Variants in MYH13 observed in about 807,000 individuals in gnomAD.
The protein encoded by MYH13 is myosin-13.
MYH13 carries 177 observed loss-of-function variants against 232.1 expected under a neutral mutation model. The ratio of observed to expected loss-of-function variants is 0.76; its 90% CI spans 0.67 to 0.86. The LOEUF (loss-of-function observed/expected upper bound fraction) is 0.86, where lower values mean the gene tolerates loss of function less well. MYH13 is among the 40% of genes least tolerant of loss of function. The probability of loss-of-function intolerance (pLI) is 0.00; values close to 1 mark genes in which losing one functional copy is unlikely to be tolerated. For synonymous variants in MYH13, 884 were observed against 923.5 expected (o/e 0.96, Z 0.78); for missense variants, 2,246 against 2,405.9 (o/e 0.93, Z 1.39).
chr17:10,315,451 C>T (rs1906668369), intron 29 of MYH13, among the ~76,000 whole-genome samples: 1 of 152,150 alleles, frequency 6.6e-6, no homozygotes. Flanking sequence ...GCCAGTACAC[C>T]CAGCTAATTT....
chr17:10,301,558 C>A lies in MYH13; in HGVS notation c.5802+11G>T. Reference sequence around the variant, plus strand: ...TTAGCTGGCCCCTATATCTCAGGTACCTGCTCTTACCTGGCTGCCCACGTC... The same window carrying A: ...TTAGCTGGCCCCTATATCTCAGGTAACTGCTCTTACCTGGCTGCCCACGTC... On this transcript the variant is annotated intron_variant, in intron 40 of 40. Coordinates refer to ENST00000252172, the MANE Select transcript of MYH13 (RefSeq NM_003802.3). 1 of 1,614,076 alleles carries A rather than the reference C, an allele frequency of 6.2e-7. No homozygotes were observed. The highest frequency in any genetic ancestry group is 8.5e-7 in the Non-Finnish European group (1 of 1,179,968).
intron 21 of MYH13, among the ~76,000 whole-genome samples, chr17:10,328,470 TTTC>T (rs1426599324): frequency 6.6e-6 from 1 of 152,206 alleles, no homozygotes; most frequent in African/African-American, 2.4e-5. Context: ...CTATTGGGTC[TTTC>T]TCCCATGTTT....
intron 29 of MYH13, among the ~76,000 whole-genome samples, chr17:10,314,256 C>T (rs1375659569): frequency 6.6e-6 from 1 of 152,020 alleles, no homozygotes; most frequent in Non-Finnish European, 1.5e-5. Flanking sequence ...CCTGTCACTA[C>T]TAAAAATACA....
At chr17:10,338,804 C>T (rs550092419) in intron 18 of MYH13, among the ~76,000 whole-genome samples, 1 of 151,602 alleles carries the variant, frequency 6.6e-6, no homozygotes, top group South Asian at 2.1e-4. Flanking sequence ...GGGTTCACGC[C>T]ATTCTCCTGC....
chr17:10,330,354 G>A (rs759265293), intron 21 of MYH13, 33 bp downstream of exon 21: 1 of 1,611,810 alleles, frequency 6.2e-7, no homozygotes, highest in Non-Finnish European at 8.5e-7. Context: ...AGCAGAGAGG[G>A]CAGGATAAGG....
At chr17:10,362,897 C>T (rs2071804946) in intron 3 of MYH13, among the ~76,000 whole-genome samples, 1 of 152,082 alleles carries the variant, frequency 6.6e-6, no homozygotes, top group African/African-American at 2.4e-5. Flanking sequence ...AATCTCTGCT[C>T]ATGAGGTTTC....
rs1906548585 is a variant in MYH13, at chr17:10,312,632, A to G, written c.4307T>C (p.Leu1436Pro). The G allele has an allele frequency of 1.2e-6, 2 of 1,613,304 alleles. No homozygotes were observed. The highest frequency in any genetic ancestry group is 1.3e-5 in the African/African-American group (1 of 74,874). Residue 1436 changes from leucine to proline, a missense_variant, in exon 31 of 41, where the codon CTG becomes CCG. Leu to Pro is a moderately conservative substitution (Grantham distance 98). Coordinates refer to ENST00000252172, the MANE Select transcript of MYH13 (RefSeq NM_003802.3). ...GGCACAGGCGGTGTGGGAGCGCTCC[A>G]GATCCCGCATCAGATCCTCCACCTC... The part of the protein sequence containing the change: ...QGEVEDLMRD[L>P]ERSHTACATL...
intron 11 of MYH13, among the ~76,000 whole-genome samples, chr17:10,352,131 AAGG>A (rs1258421378): frequency 6.6e-6 from 1 of 152,154 alleles, no homozygotes; most frequent in East Asian, 1.9e-4. Context: ...AAAACACTAA[AAGG>A]AGCAGGTGAA....
intron 13 of MYH13, among the ~76,000 whole-genome samples, chr17:10,345,994 A>AG (rs1174514263): frequency 9.7e-5 from 5 of 51,530 alleles, no homozygotes; most frequent in Non-Finnish European, 3.8e-4. Flanking sequence ...TCTGTCTCAA[A>AG]AAAAAAAAAA....
chr17:10,364,417 G>A lies in MYH13; in HGVS notation c.114C>T (p.Cys38=). ...ACATTTCCTTATTATCCGCTACAAA[G>A]CAGGCTTTCTTGGAATCGAATGGAC... The part of the protein sequence containing the change: ...QNRPFDSKKA[C]FVADNKEMYV... Residue 38 remains cysteine, a synonymous_variant, in exon 3 of 41, where the codon TGC becomes TGT. Transcript: ENST00000252172. 1 of 1,613,712 alleles carries A rather than the reference G, an allele frequency of 6.2e-7. No individual in the cohort carries two copies. Among genetic ancestry groups the A allele is most frequent in the Non-Finnish European group, 8.5e-7 (1 of 1,179,786 alleles).
Position 10,344,063 on chromosome 17 carries a change from T to C in MYH13, c.1631A>G (p.Lys544Arg), listed in dbSNP as rs577746666. 4 of 1,614,166 alleles carry C rather than the reference T, an allele frequency of 2.5e-6. No individual in the cohort carries two copies. The highest frequency in any genetic ancestry group is 3.3e-5 in the Admixed American group (2 of 60,026). Residue 544 changes from lysine to arginine, a missense_variant, in exon 16 of 41, where the codon AAG becomes AGG. Coordinates refer to ENST00000252172, the MANE Select transcript of MYH13 (RefSeq NM_003802.3). Reference protein sequence around the residue: ...SILEEECMFPKATDTSFKNKL... With the variant: ...SILEEECMFPRATDTSFKNKL... ...GTTCTTGAAGGAGGTGTCTGTTGCC[T>C]TGGGGAACATGCACTCCTCTTCCAG...
rs199519118 is a variant in MYH13 at position 10,328,020 on chromosome 17, C to T, written c.2537G>A (p.Ser846Asn). 398 of 1,614,098 alleles carry T rather than the reference C, an allele frequency of 2.5e-4. No homozygotes were observed. Among genetic ancestry groups the T allele is most frequent in the Non-Finnish European group, 3.2e-4 (379 of 1,180,050 alleles). The change falls in exon 22 of 41, where the codon AGT (serine) becomes AAT (asparagine). Residue 846 changes from serine (S) to asparagine (N), a missense_variant. Physicochemically the swap from Ser to Asn is conservative, Grantham distance 46. Transcript: ENST00000252172. ...LFFKIKPLLKSAEAEKEMATM... is the reference protein window; with the variant it reads ...LFFKIKPLLKNAEAEKEMATM... ...GGCCATCTCCTTCTCGGCCTCTGCA[C>T]TCTTCAGCAGGGGCTTGATTTTGAA... is the stretch of plus-strand genomic sequence containing the variant.
Position 10,324,167 on chromosome 17 carries a change from A to C in MYH13, c.2789T>G (p.Leu930Trp). 2 of 1,613,748 alleles carry C rather than the reference A, an allele frequency of 1.2e-6. No individual in the cohort carries two copies. Among genetic ancestry groups the C allele is most frequent in the East Asian group, 4.5e-5 (2 of 44,860 alleles). The change falls in exon 23 of 41, where the codon TTG becomes TGG. Residue 930 changes from leucine (L) to tryptophan (W), a missense_variant. Leu to Trp is a moderately conservative substitution (Grantham distance 61). Transcript: ENST00000252172. ...AGAATTCATCTCCTCTTCCTCTTCCAATCTCTCCGTCAGCTCCTTGACTTT... is the reference window on the plus strand; with the variant it reads ...AGAATTCATCTCCTCTTCCTCTTCCCATCTCTCCGTCAGCTCCTTGACTTT... ...EAKVKELTER[L>W]EEEEEMNSEL...
chr17:10,308,443 C>CTTTTT (rs57432823), intron 35 of MYH13, among the ~76,000 whole-genome samples: 11 of 113,082 alleles, frequency 9.7e-5, no homozygotes, highest in Non-Finnish European at 1.5e-4. Context: ...TTAATTAAAA[C>CTTTTT]TTTTTTTTTT....
chr17:10,344,633 T>C (rs772249279), intron 15 of MYH13, among the ~76,000 whole-genome samples: 11 of 151,350 alleles, frequency 7.3e-5, no homozygotes, highest in Non-Finnish European at 1.0e-4. Context: ...CTGGCCAACA[T>C]GGTGAAACCC....
rs1435981859 is a variant in MYH13, at chr17:10,306,467, C to G, written c.5458G>C (p.Glu1820Gln). Residue 1820 changes from glutamate to glutamine, a missense_variant, in exon 37 of 41, where the codon GAG (glutamate) becomes CAG (glutamine). Transcript: ENST00000252172. The surrounding 1 kb of genome is among the most constrained non-coding windows in gnomAD (Gnocchi z 4.3). ...CCTCTCAAAAACTCTACCCGGTTCTCCAGTTTCTGGATCTGCTTCTTCCCG... is the reference window on the plus strand; with the variant it reads ...CCTCTCAAAAACTCTACCCGGTTCTGCAGTTTCTGGATCTGCTTCTTCCCG... ...KGGKKQIQKL[E>Q]NRVRELENEL... 6.2e-7 allele frequency: 1 copy of G among 1,614,140 alleles called. No individual in the cohort carries two copies. The highest frequency in any genetic ancestry group is 1.7e-5 in the Admixed American group (1 of 60,024).
chr17:10,359,474 C>A (rs574626471), intron 7 of MYH13, among the ~76,000 whole-genome samples: 1 of 152,292 alleles, frequency 6.6e-6, no homozygotes, highest in African/African-American at 2.4e-5. Context: ...TCCTCTGCAT[C>A]CTTTGTAACA....
chr17:10,301,993 C>G (rs1247710104), intron 39 of MYH13, among the ~76,000 whole-genome samples: 1 of 152,138 alleles, frequency 6.6e-6, no homozygotes, highest in East Asian at 1.9e-4. Context: ...CGGGGGAGAC[C>G]TAAGTCCAGA....
At chr17:10,305,897 T>C (rs1906264381) in intron 37 of MYH13, among the ~76,000 whole-genome samples, 2 of 152,090 alleles carry the variant, frequency 1.3e-5, no homozygotes, top group Non-Finnish European at 2.9e-5. Context: ...CCGATCGCCC[T>C]CTTTTGGGGC....
Sources: gnomAD v4.1 joint callset for allele counts (sites outside exome capture counted in the v4.1 genomes callset) on GRCh38, gnomAD v4.1.1 for gene constraint, Gnocchi (gnomAD v3.1) non-coding constraint, MANE v1.5 for transcripts, NCBI Gene and HGNC (gene_info 2026-07-23, HGNC 2026-07-21) for gene names.